The following MBNL3 variants were observed in gnomAD, a reference collection of about 807,000 sequenced individuals.
MBNL3 encodes the protein muscleblind like splicing regulator 3.
A neutral mutation model predicts 24.5 loss-of-function variants in MBNL3; 6 were observed. That is an observed-to-expected ratio of 0.25 (90% CI 0.13 to 0.48). The LOEUF (loss-of-function observed/expected upper bound fraction) is 0.48, where lower values mean the gene tolerates loss of function less well. Ranked by LOEUF, MBNL3 falls within the 20% of genes least tolerant of loss-of-function variation. MBNL3 has a pLI of 0.99. For missense variants in MBNL3, 230 were observed against 293.5 expected (o/e 0.78, Z 1.58); for synonymous variants, 100 against 101.7 (o/e 0.98, Z 0.10).
At chrX:132,386,477 T>A (rs753122542) in intron 6 of MBNL3, among the ~76,000 whole-genome samples, 184 bp downstream of exon 6, 1 of 112,341 alleles carries the variant, frequency 8.9e-6, no homozygotes, top group African/African-American at 3.2e-5. Context: ...AACCATGAAT[T>A]TTCATGAATT....
intron 1 of MBNL3, among the ~76,000 whole-genome samples, chrX:132,448,757 G>A (rs771123095): frequency 4.5e-5 from 5 of 111,774 alleles, no homozygotes; most frequent in Admixed American, 2.8e-4. Context: ...GATCTTTCCC[G>A]CTTTCTCCTG....
upstream of MBNL3, chrX:132,489,861 C>A (rs1263741898): frequency 2.7e-5 from 3 of 111,511 alleles, no homozygotes; most frequent in East Asian, 5.7e-4. Flanking sequence ...GGCCAAGGGC[C>A]GCCCCGGCTC....
intron 3 of MBNL3, among the ~76,000 whole-genome samples, chrX:132,396,556 CTATATATATTCCTA>C (rs1938732486): frequency 6.0e-5 from 1 of 16,583 alleles, no homozygotes; most frequent in African/African-American, 1.3e-4. Context: ...CTATATATTC[CTATATATATTCCTA>C]TATATATTCC....
At chrX:132,386,106 AG>A (rs1935976925) in intron 6 of MBNL3, among the ~76,000 whole-genome samples, 1 of 112,036 alleles carries the variant, frequency 8.9e-6, no homozygotes, top group Non-Finnish European at 1.9e-5. Flanking sequence ...AGCTGAATGT[AG>A]GAGATAACAA....
intron 3 of MBNL3, among the ~76,000 whole-genome samples, chrX:132,396,378 ATT>A (rs75044250): frequency 0.013 from 1,162 of 89,130 alleles, 18 homozygotes; most frequent in Non-Finnish European, 0.02. Context: ...ATTCATATAT[ATT>A]CATATATATA....
chrX:132,428,452 C>T (rs2148402674), intron 2 of MBNL3, among the ~76,000 whole-genome samples: 1 of 107,052 alleles, frequency 9.3e-6, no homozygotes, highest in South Asian at 4.1e-4. Flanking sequence ...GAATTGAAGG[C>T]ACAGAAACAA....
intron 1 of MBNL3, among the ~76,000 whole-genome samples, chrX:132,440,966 T>G (rs1412599631): frequency 8.9e-6 from 1 of 112,805 alleles, no homozygotes; most frequent in Non-Finnish European, 1.9e-5. Context: ...TTTCATTTAA[T>G]TTTTTCAACA....
intron 5 of MBNL3, among the ~76,000 whole-genome samples, chrX:132,390,453 G>C (rs981318252): frequency 5.5e-5 from 6 of 109,541 alleles, no homozygotes; most frequent in African/African-American, 2.0e-4. Flanking sequence ...TTTTTGAAAG[G>C]CATTAAGGAT....
intron 1 of MBNL3, among the ~76,000 whole-genome samples, chrX:132,475,581 A>G (rs1401276627): frequency 7.1e-5 from 8 of 112,186 alleles, no homozygotes; most frequent in Non-Finnish European, 1.5e-4. Context: ...AAATGAAAGT[A>G]CCTAGCAGAG....
Position 132,382,173 on chromosome X carries a change from C to T in MBNL3, c.1053+5G>A. 1 of 1,208,742 alleles carries T rather than the reference C, an allele frequency of 8.3e-7. No individual in the cohort carries two copies. On this transcript the variant is annotated splice_donor_5th_base_variant and intron_variant, in intron 8 of 8. Coordinates refer to ENST00000370853, the MANE Select transcript of MBNL3 (RefSeq NM_001386889.1). The stretch of plus-strand genomic sequence containing the variant: ...GATCTGAACAGCTTAAATAAATGGC[C>T]AAACCTGATTGCCTGTAGTTGGTGC...
chrX:132,408,698 G>T (rs1942258953), intron 2 of MBNL3, among the ~76,000 whole-genome samples: 2 of 111,030 alleles, frequency 1.8e-5, no homozygotes, highest in African/African-American at 6.5e-5. Context: ...GCTTTTTCTT[G>T]GGAAATAATG....
intron 2 of MBNL3, among the ~76,000 whole-genome samples, chrX:132,419,895 A>G (rs1182625362): frequency 1.8e-5 from 2 of 112,216 alleles, no homozygotes; most frequent in Non-Finnish European, 3.8e-5. Flanking sequence ...AAACACAACA[A>G]TTCTATTCTG....
In MBNL3 at chrX:132,375,284, T is replaced by C. The variant is rs1934030289; in HGVS notation, c.*4382A>G. ...ATATAATTAGATAACAATTATTATT[T>C]GTATATAAAGTTAAATTTGTTCTTA... On this transcript the variant is annotated 3_prime_UTR_variant, in exon 9 of 9. Coordinates refer to ENST00000370853, the MANE Select transcript of MBNL3 (RefSeq NM_001386889.1). The C allele has an allele frequency of 8.9e-6, 1 of 111,876 alleles. No individual in the cohort carries two copies. The highest frequency in any genetic ancestry group is 1.9e-5 in the Non-Finnish European group (1 of 53,029). 9.2% of individuals were successfully genotyped at this position (111,876 alleles called of 1,213,427 possible).
At chrX:132,488,225 GCTAT>G (rs1411266193) in intron 1 of MBNL3, among the ~76,000 whole-genome samples, 9 of 110,369 alleles carry the variant, frequency 8.2e-5, no homozygotes, top group South Asian at 3.9e-4. Flanking sequence ...TAGCTAGCTA[GCTAT>G]CTAAGAGTGC....
intron 2 of MBNL3, chrX:132,431,609 C>T (rs1230862511): frequency 4.5e-5 from 5 of 111,388 alleles, no homozygotes; most frequent in African/African-American, 9.8e-5. Context: ...CCAAAGATCC[C>T]GAGTTCCTTT....
intron 4 of MBNL3, 28 bp from the exon 5 acceptor site, chrX:132,391,111 C>T (rs375000990): frequency 8.2e-6 from 9 of 1,097,523 alleles, no homozygotes; most frequent in Middle Eastern, 2.5e-4. Flanking sequence ...CACATACACA[C>T]GCATCACACT....
Position 132,476,072 on chromosome X carries a change from C to CTTATAAGGGAACCTTAT in MBNL3, c.-704+12778_-704+12779insATAAGGTTCCCTTATAA, listed in dbSNP as rs1159431138. Among the ~76,000 whole-genome samples, 2 of 111,302 alleles carry CTTATAAGGGAACCTTAT rather than the reference C, an allele frequency of 1.8e-5. 1 individual carries two copies. Among genetic ancestry groups the CTTATAAGGGAACCTTAT allele is most frequent in the African/African-American group, 6.5e-5 (2 of 30,610 alleles). On this transcript the variant is annotated intron_variant, in intron 1 of 8. Coordinates refer to ENST00000370853, the MANE Select transcript of MBNL3 (RefSeq NM_001386889.1). ...TCACAAGAGTCTCCTTATAGGGGTC[C>CTTATAAGGGAACCTTAT]AAGGAAACCTTACTTATTTTCACTT...
Position 132,378,669 on chromosome X carries a change from C to A in MBNL3, c.*997G>T, listed in dbSNP as rs1347156008. The A allele has an allele frequency of 8.9e-6, 1 of 111,761 alleles. No homozygotes were observed. Among genetic ancestry groups the A allele is most frequent in the African/African-American group, 3.3e-5 (1 of 30,762 alleles). The allele number at this position is 111,761 out of a possible 1,213,427, so 9.2% of individuals were successfully genotyped here. On this transcript the variant is annotated 3_prime_UTR_variant, in exon 9 of 9. Transcript: ENST00000370853. Reference sequence around the variant, plus strand: ...TTTTTAAGCTCCCAAGTACCAGTTTCTCAGCTGAAGATGACAAATGGCTCA... The same window carrying A: ...TTTTTAAGCTCCCAAGTACCAGTTTATCAGCTGAAGATGACAAATGGCTCA...
At chrX:132,386,563 C>T (rs376754626) in intron 6 of MBNL3, 98 bp downstream of exon 6, 8 of 950,351 alleles carry the variant, frequency 8.4e-6, no homozygotes, top group South Asian at 2.9e-5. Flanking sequence ...AAATACATGT[C>T]GACAGTCCTC....
Sources: allele counts gnomAD v4.1 joint callset (sites outside exome capture counted in the v4.1 genomes callset), GRCh38; gene constraint gnomAD v4.1.1; transcripts MANE v1.5; gene names NCBI Gene and HGNC (gene_info 2026-07-23, HGNC 2026-07-21).